Variants in NFASC observed in about 807,000 individuals in gnomAD.
The protein encoded by NFASC is neurofascin homolog.
NFASC carries 43 observed loss-of-function variants against 147.5 expected under a neutral mutation model. The observed-to-expected ratio is 0.29, with a 90% CI of 0.23 to 0.38. The LOEUF is 0.38. NFASC is among the 10% of genes least tolerant of loss of function. NFASC has a pLI of 1.00. For missense variants in NFASC, 1,320 were observed against 1,689.0 expected (o/e 0.78, Z 3.83); for synonymous variants, 622 against 665.5 (o/e 0.93, Z 1.01).
intron 1 of NFASC, among the ~76,000 whole-genome samples, chr1:204,846,525 A>G (rs925487674): frequency 1.3e-5 from 2 of 152,062 alleles, no homozygotes; most frequent in African/African-American, 4.8e-5. Flanking sequence ...TTTCTAGCCT[A>G]GTTCTCTCCT....
In NFASC at chr1:204,991,218, T is replaced by C; in HGVS notation, c.2768-74T>C. 2.6e-6 allele frequency: 4 copies of C among 1,534,602 alleles called. No homozygotes were observed. In the South Asian group the frequency reaches 4.6e-5, roughly 18 times the overall value. On this transcript the variant is annotated intron_variant, in intron 23 of 29. Transcript: ENST00000339876. ...TGCTTTCCTTGTCCTGTGGTCTCAC[T>C]TGTGCTCTGTTTTCTCTTCCCTTTT... is the stretch of plus-strand genomic sequence containing the variant.
Position 204,884,304 on chromosome 1 carries a change from G to A in NFASC, c.-199-36328G>A, listed in dbSNP as rs1412420994. Among the ~76,000 whole-genome samples the A allele has an allele frequency of 3.3e-5, 5 of 152,096 alleles. No individual in the cohort carries two copies. The East Asian group carries it at 9.6e-4, about 29-fold the overall frequency. ...GAAGGAGGTCTATGCCACTCAAGGTGCTACCTTTTCTCTGTCAGCTGCTTT... is the reference window on the plus strand; with the variant it reads ...GAAGGAGGTCTATGCCACTCAAGGTACTACCTTTTCTCTGTCAGCTGCTTT... On this transcript the variant is annotated intron_variant, in intron 1 of 29. Coordinates refer to ENST00000339876, the MANE Select transcript of NFASC (RefSeq NM_001005388.3).
intron 1 of NFASC, among the ~76,000 whole-genome samples, chr1:204,853,694 T>G (rs2075893953): frequency 6.6e-6 from 1 of 152,198 alleles, no homozygotes; most frequent in Admixed American, 6.5e-5. Context: ...CCCCCTATAT[T>G]GCACTGAACT....
At chr1:204,994,756 T>G (rs1444049507) in intron 24 of NFASC, among the ~76,000 whole-genome samples, 1 of 152,136 alleles carries the variant, frequency 6.6e-6, no homozygotes, top group Non-Finnish European at 1.5e-5. Flanking sequence ...AAGGGAGTGT[T>G]TTCTAATGAT....
chr1:204,880,003 T>C (rs1038283378), intron 1 of NFASC, among the ~76,000 whole-genome samples: 3 of 152,182 alleles, frequency 2.0e-5, no homozygotes, highest in African/African-American at 7.2e-5. Context: ...TTGGCAGGCT[T>C]ATTCTCTGCA....
At chr1:205,005,391 G>A (rs369010026) in intron 27 of NFASC, among the ~76,000 whole-genome samples, 3 of 151,988 alleles carry the variant, frequency 2.0e-5, no homozygotes, top group South Asian at 2.1e-4. Context: ...TTCTGAGTGG[G>A]TGTTGCCGGG....
At chr1:204,879,596 A>G (rs1400464248) in intron 1 of NFASC, among the ~76,000 whole-genome samples, 2 of 152,206 alleles carry the variant, frequency 1.3e-5, no homozygotes, top group African/African-American at 2.4e-5. Flanking sequence ...GTGCTTTCTC[A>G]TAGGATCTGG....
intron 17 of NFASC, among the ~76,000 whole-genome samples, chr1:204,978,491 C>T (rs935448189): frequency 8.5e-5 from 13 of 152,234 alleles, no homozygotes; most frequent in Admixed American, 7.9e-4. Context: ...CTGCCATGTT[C>T]AGCAGGCCAA....
intron 16 of NFASC, 40 bp downstream of exon 16, chr1:204,976,835 C>A: frequency 6.3e-7 from 1 of 1,591,010 alleles, no homozygotes; most frequent in African/African-American, 1.3e-5. Context: ...CCAGCCCCAC[C>A]CCCTCCCCAG....
At chr1:204,835,213 CTTTTTTTTTTT>C (rs1001302661) in intron 1 of NFASC, among the ~76,000 whole-genome samples, 4 of 80,588 alleles carry the variant, frequency 5.0e-5, no homozygotes, top group Non-Finnish European at 9.0e-5. Context: ...TGAGGTGGGT[CTTTTTTTTTTT>C]TTTTTTTTTT....
rs776390175 is a variant in NFASC, at chr1:205,016,620, C to T, written c.*81C>T. On this transcript the variant is annotated 3_prime_UTR_variant, in exon 30 of 30. Coordinates refer to ENST00000339876, the MANE Select transcript of NFASC (RefSeq NM_001005388.3). This position sits in a 1 kb window ranked among gnomAD's most constrained non-coding sequence, Gnocchi z 5.1. ...AGACAAAACCACTGCAGACCTACCA[C>T]GAAGCCACCACCACCTTCAGTAACA... 37 of 965,634 alleles carry T rather than the reference C, an allele frequency of 3.8e-5. No homozygotes were observed. The Admixed American group carries it at 5.0e-4, about 13-fold the overall frequency. 59.8% of individuals were successfully genotyped at this position (965,634 alleles called of 1,614,324 possible).
At position 205,014,293 on chromosome 1, in the gene NFASC, G is replaced by A. The variant is rs180923980; in HGVS notation, c.3491+1427G>A. 1.5e-3 allele frequency among the ~76,000 whole-genome samples: 231 copies of A among 152,256 alleles called. 6 individuals are homozygous for A. Among genetic ancestry groups the A allele is most frequent in the Admixed American group, 0.014 (217 of 15,296 alleles). ...CATGCCTGGGCCTGCACCCCTACAC[G>A]CACACACCCCTCTGCTTTGGCTCTG... On this transcript the variant is annotated intron_variant, in intron 29 of 29. Transcript: ENST00000339876.
chr1:204,942,518 A>G (rs896085673), intron 2 of NFASC, among the ~76,000 whole-genome samples: 1 of 152,214 alleles, frequency 6.6e-6, no homozygotes, highest in Non-Finnish European at 1.5e-5. Flanking sequence ...GGAGTAGCAC[A>G]TTTCTGTTTG....
chr1:204,936,484 G>A (rs2092851155), intron 2 of NFASC, among the ~76,000 whole-genome samples: 2 of 152,178 alleles, frequency 1.3e-5, no homozygotes, highest in Non-Finnish European at 2.9e-5. Flanking sequence ...TTACAGGCGT[G>A]AGCCACCATG....
chr1:204,954,773 T>G lies in NFASC; in HGVS notation c.413-56T>G. On this transcript the variant is annotated intron_variant, in intron 6 of 29. Coordinates refer to ENST00000339876, the MANE Select transcript of NFASC (RefSeq NM_001005388.3). The surrounding 1 kb of genome is among the most constrained non-coding windows in gnomAD (Gnocchi z 5.7). ...GCATGCCTGCCTCTGACCCTGCTCC[T>G]TGCCCCGGGCCCAGCCATCACCCTC... is the stretch of plus-strand genomic sequence containing the variant. The G allele has an allele frequency of 6.2e-7, 1 of 1,600,782 alleles. No homozygotes were observed. The highest frequency in any genetic ancestry group is 8.5e-7 in the Non-Finnish European group (1 of 1,170,540).
At chr1:204,992,787 C>T (rs1477385843) in intron 24 of NFASC, among the ~76,000 whole-genome samples, 1 of 152,212 alleles carries the variant, frequency 6.6e-6, no homozygotes, top group African/African-American at 2.4e-5. Flanking sequence ...GGCAGGTGGG[C>T]CTGGTGGCAG....
chr1:204,893,104 T>C (rs1228580270), intron 1 of NFASC, among the ~76,000 whole-genome samples: 2 of 152,106 alleles, frequency 1.3e-5, no homozygotes, highest in East Asian at 1.9e-4. Flanking sequence ...AGCCAAAATA[T>C]AGGAGTTGGG....
intron 2 of NFASC, among the ~76,000 whole-genome samples, chr1:204,939,103 C>T (rs1464620401): frequency 8.5e-6 from 1 of 117,284 alleles, no homozygotes; most frequent in African/African-American, 3.1e-5. Flanking sequence ...GATTGGGAGA[C>T]CTCAGATATA....
At chr1:204,879,917 G>A (rs2079808071) in intron 1 of NFASC, among the ~76,000 whole-genome samples, 1 of 152,188 alleles carries the variant, frequency 6.6e-6, no homozygotes, top group Admixed American at 6.5e-5. Context: ...CAGATGGTTT[G>A]GGGTTCTCAT....
Sources: gnomAD v4.1 joint callset for allele counts (sites outside exome capture counted in the v4.1 genomes callset) on GRCh38, gnomAD v4.1.1 for gene constraint, Gnocchi (gnomAD v3.1) non-coding constraint, MANE v1.5 for transcripts, NCBI Gene and HGNC (gene_info 2026-07-23, HGNC 2026-07-21) for gene names.